The following HERC3 variants were observed in gnomAD, a reference collection of about 807,000 sequenced individuals.
The protein encoded by HERC3 is probable E3 ubiquitin-protein ligase HERC3.
In HERC3, 58 loss-of-function variants were observed where a neutral mutation model predicts 129.9. The ratio of observed to expected loss-of-function variants is 0.45; its 90% CI spans 0.36 to 0.56. The LOEUF (loss-of-function observed/expected upper bound fraction) is 0.56, where lower values mean the gene tolerates loss of function less well. Ranked by LOEUF, HERC3 falls within the 20% of genes least tolerant of loss-of-function variation. The pLI is 0.00. For synonymous variants in HERC3, 430 were observed against 451.0 expected (o/e 0.95, Z 0.59); for missense variants, 835 against 1,244.2 (o/e 0.67, Z 4.95).
rs1388663180 is a variant in HERC3, at chr4:88,690,255, C to A, written c.2657+2956C>A. On this transcript the variant is annotated intron_variant, in intron 23 of 25. Coordinates refer to ENST00000402738, the MANE Select transcript of HERC3 (RefSeq NM_014606.3). ...AGGATGTTTATTTCCTTAATAAGACCAGGCTTTTTATTCCATATAGTCAGA... is the reference window on the plus strand; with the variant it reads ...AGGATGTTTATTTCCTTAATAAGACAAGGCTTTTTATTCCATATAGTCAGA... The A allele has an allele frequency of 5.1e-6, 5 of 975,766 alleles. No individual in the cohort carries two copies. In the African/African-American group the frequency reaches 8.8e-5, roughly 17 times the overall value. The allele number at this position is 975,766 out of a possible 1,614,324, so 60.4% of individuals were successfully genotyped here. A position where few individuals can be genotyped will look rare whatever the true frequency, so the allele number is the denominator to read the frequency against.
At chr4:88,700,126 A>G (rs1382433721) in intron 23 of HERC3, among the ~76,000 whole-genome samples, 1 of 150,950 alleles carries the variant, frequency 6.6e-6, no homozygotes, top group East Asian at 1.9e-4. Flanking sequence ...TTTGAGATTG[A>G]TTTATGTTGT....
upstream of HERC3, among the ~76,000 whole-genome samples, chr4:88,592,144 G>A (rs1395384750): frequency 6.6e-6 from 1 of 152,196 alleles, no homozygotes; most frequent in Non-Finnish European, 1.5e-5. Context: ...ACCTGAATAG[G>A]CAACCGCTGA....
At chr4:88,565,520 TC>T in the HERC3 span, among the ~76,000 whole-genome samples, 7 of 152,312 alleles carry the variant, frequency 4.6e-5, no homozygotes, top group East Asian at 1.3e-3. Flanking sequence ...TGTCTTGAAA[TC>T]TATTTTGTCT....
At chr4:88,530,695 C>G in the HERC3 span, among the ~76,000 whole-genome samples, 1 of 152,106 alleles carries the variant, frequency 6.6e-6, no homozygotes, top group Non-Finnish European at 1.5e-5. Flanking sequence ...ATAATGTGGA[C>G]TTGAGTAAAT....
chr4:88,572,528 T>C, the HERC3 span, among the ~76,000 whole-genome samples: 1 of 152,170 alleles, frequency 6.6e-6, no homozygotes, highest in East Asian at 1.9e-4. Flanking sequence ...TGCAGTCTTT[T>C]GGCCGAGTGT....
rs73844025 is a variant in HERC3 at position 88,612,023 on chromosome 4, C to T, written c.226+5974C>T. ...TGTGCCTTGATTCTGTCCTGCTAGTCATCATATACCATGTTATACACTCTG... is the reference window on the plus strand; with the variant it reads ...TGTGCCTTGATTCTGTCCTGCTAGTTATCATATACCATGTTATACACTCTG... On this transcript the variant is annotated intron_variant, in intron 3 of 25. Transcript: ENST00000402738. 3.0e-3 allele frequency among the ~76,000 whole-genome samples: 460 copies of T among 152,274 alleles called. 4 individuals carry two copies. Among genetic ancestry groups the T allele is most frequent in the African/African-American group, 0.01 (433 of 41,536 alleles).
At chr4:88,706,444 GGTCAGAGACTTCA>G (rs1275562099) in intron 25 of HERC3, among the ~76,000 whole-genome samples, 1 of 152,166 alleles carries the variant, frequency 6.6e-6, no homozygotes, top group Non-Finnish European at 1.5e-5. Flanking sequence ...GAGACCCTGA[GGTCAGAGACTTCA>G]GTCTTCTTCT....
chr4:88,575,644 A>G, the HERC3 span, among the ~76,000 whole-genome samples: 2 of 152,384 alleles, frequency 1.3e-5, no homozygotes, highest in East Asian at 3.9e-4. Flanking sequence ...CAGTAAAAAC[A>G]TCATTTGCTT....
the HERC3 span, among the ~76,000 whole-genome samples, chr4:88,556,277 T>C: frequency 0.053 from 8,043 of 152,262 alleles, 728 homozygotes; most frequent in African/African-American, 0.18. Context: ...TTCTGAATAC[T>C]AGCACCTGTT....
the HERC3 span, among the ~76,000 whole-genome samples, chr4:88,568,704 C>A: frequency 6.6e-6 from 1 of 151,900 alleles, no homozygotes; most frequent in Non-Finnish European, 1.5e-5. Context: ...AGGGCCCTTT[C>A]CTTCAAGTCA....
rs1729097729 is a variant in HERC3, at chr4:88,649,956, C to G, written c.343C>G (p.Gln115Glu). The change falls in exon 4 of 26, where the codon CAG (glutamine) becomes GAG (glutamate). Residue 115 changes from glutamine to glutamate, a missense_variant. Coordinates refer to ENST00000402738, the MANE Select transcript of HERC3 (RefSeq NM_014606.3). ...TTCTTGGGGTGCAGGGAGTGATGGT[C>G]AGCTAGGACTCATGACTACTGAGGA... ...LFSWGAGSDG[Q>E]LGLMTTEDSV... is the part of the protein sequence containing the mutation. 6.2e-7 allele frequency: 1 copy of G among 1,613,978 alleles called. No individual in the cohort carries two copies. Among genetic ancestry groups the G allele is most frequent in the Non-Finnish European group, 8.5e-7 (1 of 1,179,996 alleles).
chr4:88,666,684 G>T (rs575682715), intron 12 of HERC3, among the ~76,000 whole-genome samples: 1 of 152,234 alleles, frequency 6.6e-6, no homozygotes, highest in Non-Finnish European at 1.5e-5. Flanking sequence ...AATGTGGTAT[G>T]TTCAAGAGCA....
At chr4:88,630,302 GT>G (rs915571358) in intron 3 of HERC3, among the ~76,000 whole-genome samples, 1 of 152,130 alleles carries the variant, frequency 6.6e-6, no homozygotes, top group Admixed American at 6.5e-5. Flanking sequence ...AACAGTTTAT[GT>G]TTCCCCCTCC....
chr4:88,586,793 T>C, the HERC3 span, among the ~76,000 whole-genome samples: 1 of 152,374 alleles, frequency 6.6e-6, no homozygotes, highest in Non-Finnish European at 1.5e-5. Context: ...ACATTTCATA[T>C]AGCAAATATA....
chr4:88,542,788 C>T, the HERC3 span, among the ~76,000 whole-genome samples: 4 of 152,160 alleles, frequency 2.6e-5, no homozygotes, highest in Non-Finnish European at 4.4e-5. Context: ...TCAACACATG[C>T]CAATCAATAA....
chr4:88,597,696 A>G (rs1722548627), intron 2 of HERC3, among the ~76,000 whole-genome samples: 1 of 152,198 alleles, frequency 6.6e-6, no homozygotes. Context: ...TTCCAGCTTC[A>G]CAAAGCCTAG....
At chr4:88,695,082 G>A (rs924709519) in intron 23 of HERC3, among the ~76,000 whole-genome samples, 1 of 151,848 alleles carries the variant, frequency 6.6e-6, no homozygotes, top group African/African-American at 2.4e-5. Flanking sequence ...TCTCATTCCT[G>A]GATATAAGAA....
the HERC3 span, among the ~76,000 whole-genome samples, chr4:88,543,830 T>C: frequency 1.3e-5 from 2 of 152,250 alleles, no homozygotes; most frequent in African/African-American, 2.4e-5. Flanking sequence ...AAGGATTCCC[T>C]ATTTAATAAA....
At chr4:88,532,960 T>C in the HERC3 span, among the ~76,000 whole-genome samples, 1 of 152,184 alleles carries the variant, frequency 6.6e-6, no homozygotes, top group Non-Finnish European at 1.5e-5. Flanking sequence ...TTAAGGAGAA[T>C]TGACTCACAC....
Sources: gnomAD v4.1 joint callset for allele counts (sites outside exome capture counted in the v4.1 genomes callset) on GRCh38, gnomAD v4.1.1 for gene constraint, MANE v1.5 for transcripts, NCBI Gene and HGNC (gene_info 2026-07-23, HGNC 2026-07-21) for gene names.